Variants in RESF1 observed in about 807,000 individuals in gnomAD.
RESF1 encodes the protein gonad expressed transcript.
RESF1 carries 65 observed loss-of-function variants against 134.7 expected under a neutral mutation model. The ratio of observed to expected loss-of-function variants is 0.48; its 90% CI spans 0.40 to 0.59. The LOEUF (loss-of-function observed/expected upper bound fraction) is 0.59, where lower values mean the gene tolerates loss of function less well. RESF1 is among the 20% of genes least tolerant of loss of function. The pLI is 0.00. For synonymous variants in RESF1, 762 were observed against 702.2 expected (o/e 1.09, Z -1.35); for missense variants, 2,274 against 2,002.7 (o/e 1.14, Z -2.59).
intron 5 of RESF1, among the ~76,000 whole-genome samples, chr12:31,990,552 A>G (rs1221538716): frequency 6.6e-6 from 1 of 152,070 alleles, no homozygotes; most frequent in African/African-American, 2.4e-5. Flanking sequence ...GGTTCAAGCG[A>G]TTCTCCTGCC....
At position 31,982,218 on chromosome 12, in the gene RESF1, G is replaced by C; in HGVS notation, c.1263G>C (p.Leu421Phe). The C allele has an allele frequency of 6.2e-7, 1 of 1,612,244 alleles. No individual in the cohort carries two copies. Among genetic ancestry groups the C allele is most frequent in the Non-Finnish European group, 8.5e-7 (1 of 1,179,604 alleles). ...ARKIKINKDL[L>F]MAAGCIKMTN... ...AAATTAAAATCAATAAAGATCTTTT[G>C]ATGGCAGCAGGTTGTATTAAAATGA... The change falls in exon 4 of 6, where the codon TTG becomes TTC. Residue 421 changes from leucine (L) to phenylalanine (F), a missense_variant. Leu to Phe is a conservative substitution (Grantham distance 22). Transcript: ENST00000312561.
intron 5 of RESF1, among the ~76,000 whole-genome samples, chr12:31,990,197 G>C (rs1940066937): frequency 6.6e-6 from 1 of 152,190 alleles, no homozygotes; most frequent in Admixed American, 6.5e-5. Flanking sequence ...ATAGGCATGA[G>C]TTGAATGACA....
chr12:31,962,042 T>C (rs1199124502), intron 2 of RESF1, among the ~76,000 whole-genome samples: 3 of 152,056 alleles, frequency 2.0e-5, no homozygotes, highest in African/African-American at 7.2e-5. Flanking sequence ...TGGCCTCAAG[T>C]TGGCCAACAT....
In RESF1 at chr12:31,982,042, A is replaced by G. The variant is rs140350899; in HGVS notation, c.1087A>G (p.Thr363Ala). 6.9e-5 allele frequency: 112 copies of G among 1,614,144 alleles called. No homozygotes were observed. In the African/African-American group the frequency reaches 1.4e-3, roughly 20 times the overall value. ...TAGATCTTCTGTGGATGGTGTTCAGACTCTTGCTCAAACTAATGAAGAGAA... is the reference window on the plus strand; with the variant it reads ...TAGATCTTCTGTGGATGGTGTTCAGGCTCTTGCTCAAACTAATGAAGAGAA... Reference protein sequence around the residue: ...PIRSSVDGVQTLAQTNEEKIM... With the variant: ...PIRSSVDGVQALAQTNEEKIM... Residue 363 changes from threonine (T) to alanine (A), a missense_variant, in exon 4 of 6, where the codon ACT becomes GCT. Physicochemically the swap from Thr to Ala is moderately conservative, Grantham distance 58. Transcript: ENST00000312561.
chr12:31,981,517 C>T lies in RESF1; in HGVS notation c.562C>T (p.Gln188Ter), dbSNP rs868204646. The change falls in exon 4 of 6, where the codon CAG becomes TAG. Residue 188 changes from glutamine to a stop codon, truncating the protein, a stop_gained. Transcript: ENST00000312561. LOFTEE classifies it high-confidence loss of function. ...VAYQGNQGLN[Q>*]SFSEQQVDWT... Reference sequence around the variant, plus strand: ...TTACCAAGGAAATCAGGGACTTAACCAGTCTTTTTCAGAGCAACAGGTTGA... The same window carrying T: ...TTACCAAGGAAATCAGGGACTTAACTAGTCTTTTTCAGAGCAACAGGTTGA... The T allele has an allele frequency of 6.2e-7, 1 of 1,614,028 alleles. No individual in the cohort carries two copies. Among genetic ancestry groups the T allele is most frequent in the Non-Finnish European group, 8.5e-7 (1 of 1,179,932 alleles).
intron 5 of RESF1, among the ~76,000 whole-genome samples, chr12:31,991,308 T>C (rs1221637657): frequency 6.6e-6 from 1 of 151,966 alleles, no homozygotes; most frequent in Non-Finnish European, 1.5e-5. Flanking sequence ...ATGACAAGAA[T>C]TTCTTGGAAA....
Position 31,981,476 on chromosome 12 carries a change from C to G in RESF1, c.521C>G (p.Thr174Arg). The G allele has an allele frequency of 6.2e-7, 1 of 1,614,076 alleles. No homozygotes were observed. The highest frequency in any genetic ancestry group is 8.5e-7 in the Non-Finnish European group (1 of 1,180,008). Reference sequence around the variant, plus strand: ...ATGCAGATGATCCCTTCTAATTCTACACGACTTCCTGTAGCTTACCAAGGA... The same window carrying G: ...ATGCAGATGATCCCTTCTAATTCTAGACGACTTCCTGTAGCTTACCAAGGA... ...MQMQMIPSNS[T>R]RLPVAYQGNQ... is the part of the protein sequence containing the mutation. Residue 174 changes from threonine to arginine, a missense_variant, in exon 4 of 6, where the codon ACA becomes AGA. Thr to Arg is a moderately conservative substitution (Grantham distance 71). Coordinates refer to ENST00000312561, the MANE Select transcript of RESF1 (RefSeq NM_018169.4).
intron 5 of RESF1, among the ~76,000 whole-genome samples, chr12:31,988,638 T>C (rs1420048955): frequency 6.6e-6 from 1 of 152,112 alleles, no homozygotes; most frequent in Admixed American, 6.6e-5. Flanking sequence ...AGCTGTGTTA[T>C]TTGCTGGGAA....
In RESF1 at chr12:31,984,359, A is replaced by C; in HGVS notation, c.3404A>C (p.Gln1135Pro). The change falls in exon 4 of 6, where the codon CAG becomes CCG. Residue 1135 changes from glutamine (Q) to proline (P), a missense_variant. Physicochemically the swap from Gln to Pro is moderately conservative, Grantham distance 76. Coordinates refer to ENST00000312561, the MANE Select transcript of RESF1 (RefSeq NM_018169.4). ...PYVVDKLAEP[Q>P]KEEPITEVVS... ...GTAGTAGACAAGTTGGCAGAACCTC[A>C]GAAAGAAGAGCCCATCACAGAAGTA... 1 of 1,614,158 alleles carries C rather than the reference A, an allele frequency of 6.2e-7. No homozygotes were observed. The highest frequency in any genetic ancestry group is 8.5e-7 in the Non-Finnish European group (1 of 1,180,016).
At chr12:31,961,294 C>T (rs928814840) in intron 2 of RESF1, among the ~76,000 whole-genome samples, 1 of 152,180 alleles carries the variant, frequency 6.6e-6, no homozygotes, top group Non-Finnish European at 1.5e-5. Flanking sequence ...TCATCTGTAA[C>T]CACAAAGTGT....
chr12:31,960,751 T>TATA (rs1396081865), intron 1 of RESF1, 26 bp from the exon 2 acceptor site: 1 of 152,206 alleles, frequency 6.6e-6, no homozygotes, highest in Non-Finnish European at 1.5e-5. Flanking sequence ...GCTCTTTTAT[T>TATA]ATAAAATGTT....
chr12:31,984,944 A>C lies in RESF1; in HGVS notation c.3989A>C (p.Asn1330Thr), dbSNP rs200850153. The change falls in exon 4 of 6, where the codon AAC becomes ACC. Residue 1330 changes from asparagine (N) to threonine (T), a missense_variant. Asn to Thr is a moderately conservative substitution (Grantham distance 65, BLOSUM62 0). Coordinates refer to ENST00000312561, the MANE Select transcript of RESF1 (RefSeq NM_018169.4). The stretch of plus-strand genomic sequence containing the variant: ...CGACAGAAGAAACATGTAACACAGA[A>C]CTCACGTCCACTAAAAACAAAAACA... ...ETRQKKHVTQ[N>T]SRPLKTKTAF... 11 of 1,613,348 alleles carry C rather than the reference A, an allele frequency of 6.8e-6. No homozygotes were observed. Among genetic ancestry groups the C allele is most frequent in the South Asian group, 1.1e-5 (1 of 90,742 alleles).
chr12:31,979,370 C>T (rs1190342354), intron 3 of RESF1, among the ~76,000 whole-genome samples: 1 of 152,176 alleles, frequency 6.6e-6, no homozygotes, highest in Non-Finnish European at 1.5e-5. Context: ...GGGCTCAGTC[C>T]TACAAGACTG....
At position 31,981,330 on chromosome 12, in the gene RESF1, G is replaced by A; in HGVS notation, c.375G>A (p.Arg125=). The A allele has an allele frequency of 6.2e-7, 1 of 1,614,064 alleles. No individual in the cohort carries two copies. Among genetic ancestry groups the A allele is most frequent in the Non-Finnish European group, 8.5e-7 (1 of 1,179,998 alleles). ...TQNVWLNSPM[R]NPVHSHIGAT... is the part of the protein sequence containing the mutation. ...ACGTATGGTTGAACTCACCAATGAGGAATCCTGTGCATTCTCATATAGGGG... is the reference window on the plus strand; with the variant it reads ...ACGTATGGTTGAACTCACCAATGAGAAATCCTGTGCATTCTCATATAGGGG... The change falls in exon 4 of 6, where the codon AGG becomes AGA. Residue 125 remains arginine, a synonymous_variant. Coordinates refer to ENST00000312561, the MANE Select transcript of RESF1 (RefSeq NM_018169.4).
chr12:31,987,364 T>C, intron 5 of RESF1, 42 bp downstream of exon 5: 4 of 1,075,384 alleles, frequency 3.7e-6, no homozygotes, highest in Non-Finnish European at 5.7e-6. Flanking sequence ...TATCTCCCTA[T>C]CTGGTATATG....
chr12:31,973,036 C>T (rs1210585624), intron 3 of RESF1, among the ~76,000 whole-genome samples: 1 of 151,790 alleles, frequency 6.6e-6, no homozygotes, highest in Non-Finnish European at 1.5e-5. Context: ...TTTTTTGTAA[C>T]TTCATGGAAG....
chr12:31,966,949 A>G (rs1275284047), intron 2 of RESF1, among the ~76,000 whole-genome samples: 1 of 152,188 alleles, frequency 6.6e-6, no homozygotes, highest in Non-Finnish European at 1.5e-5. Flanking sequence ...GGCAAAGCTT[A>G]GGCTTAATCA....
At position 31,984,021 on chromosome 12, in the gene RESF1, T is replaced by G. The variant is rs1347164125; in HGVS notation, c.3066T>G (p.Pro1022=). Residue 1022 remains proline (P), a synonymous_variant, in exon 4 of 6, where the codon CCT becomes CCG. Coordinates refer to ENST00000312561, the MANE Select transcript of RESF1 (RefSeq NM_018169.4). ...CTGCTATTCAGGAGGATATTTACCCTCAGGAAATAGATGCATCCAGCAACT... is the reference window on the plus strand; with the variant it reads ...CTGCTATTCAGGAGGATATTTACCCGCAGGAAATAGATGCATCCAGCAACT... ...SSAAIQEDIY[P]QEIDASSNYT... 1 of 1,613,836 alleles carries G rather than the reference T, an allele frequency of 6.2e-7. No individual in the cohort carries two copies. Among genetic ancestry groups the G allele is most frequent in the East Asian group, 2.2e-5 (1 of 44,890 alleles).
chr12:31,973,464 T>C (rs897169515), intron 3 of RESF1, among the ~76,000 whole-genome samples: 6 of 152,098 alleles, frequency 3.9e-5, no homozygotes, highest in Non-Finnish European at 8.8e-5. Flanking sequence ...CACACTACCT[T>C]GTCTGGCTAC....
Sources: gnomAD v4.1 joint callset for allele counts (sites outside exome capture counted in the v4.1 genomes callset) on GRCh38, gnomAD v4.1.1 for gene constraint, MANE v1.5 for transcripts, NCBI Gene and HGNC (gene_info 2026-07-23, HGNC 2026-07-21) for gene names.